GSDMB: variants seen among roughly 807,000 people sequenced by gnomAD.
GSDMB encodes the protein gasdermin B.
In GSDMB, 32 loss-of-function variants were observed where a neutral mutation model predicts 42.9. The ratio of observed to expected loss-of-function variants is 0.75; its 90% CI spans 0.56 to 1.00. The LOEUF is 1.00. Ranked by LOEUF, GSDMB falls within the 50% of genes least tolerant of loss-of-function variation. GSDMB has a pLI of 0.00. For missense variants in GSDMB, 468 were observed against 498.5 expected (o/e 0.94, Z 0.58); for synonymous variants, 175 against 193.7 (o/e 0.90, Z 0.80).
At chr17:39,907,780 G>C in intron 6 of GSDMB, 1 of 166,538 alleles carries the variant, frequency 6.0e-6, no homozygotes, top group Non-Finnish European at 1.3e-5. Context: ...CTGTGACTTG[G>C]GAGGCTGTAG....
intron 2 of GSDMB, among the ~76,000 whole-genome samples, chr17:39,915,919 C>T (rs2063701468): frequency 6.6e-6 from 1 of 152,118 alleles, no homozygotes; most frequent in East Asian, 1.9e-4. Context: ...GAGCTATGAG[C>T]GCCTTGCTAT....
chr17:39,914,143 A>G (rs2063663906), intron 2 of GSDMB, among the ~76,000 whole-genome samples: 1 of 152,234 alleles, frequency 6.6e-6, no homozygotes, highest in Non-Finnish European at 1.5e-5. Flanking sequence ...CCAAGTGATC[A>G]AGGTCAACAT....
intron 10 of GSDMB, 35 bp downstream of exon 10, chr17:39,905,391 A>G (rs376915261): frequency 2.1e-6 from 3 of 1,451,592 alleles, no homozygotes; most frequent in Non-Finnish European, 2.9e-6. Context: ...ATTCCCTTCC[A>G]CTATGACCAT....
At chr17:39,911,363 G>A (rs1188534652) in intron 3 of GSDMB, among the ~76,000 whole-genome samples, 3 of 149,750 alleles carry the variant, frequency 2.0e-5, no homozygotes, top group South Asian at 2.1e-4. Flanking sequence ...AAAGGTACCC[G>A]CTCCACTCAA....
In GSDMB at chr17:39,909,933, A is replaced by T; in HGVS notation, c.408-9T>A. 3 of 1,607,886 alleles carry T rather than the reference A, an allele frequency of 1.9e-6. No homozygotes were observed. Among genetic ancestry groups the T allele is most frequent in the Non-Finnish European group, 2.6e-6 (3 of 1,174,836 alleles). On this transcript the variant is annotated splice_polypyrimidine_tract_variant and intron_variant, in intron 3 of 10. Transcript: ENST00000418519. ...GTTCCCTCTTCAGCTTCCTGGAGAG[A>T]GTGGAGAGAGATGAGAGTTAAGGAT...
chr17:39,917,035 C>T (rs1177874890), intron 2 of GSDMB, 47 bp downstream of exon 2: 18 of 1,227,616 alleles, frequency 1.5e-5, no homozygotes, highest in South Asian at 6.0e-5. Flanking sequence ...GGAGTACAAA[C>T]GGTCAAGGCC....
chr17:39,907,539 A>C (rs1157722444), intron 6 of GSDMB: 1 of 152,006 alleles, frequency 6.6e-6, no homozygotes, highest in Non-Finnish European at 1.5e-5. Flanking sequence ...CCCTGTCTCT[A>C]CTAAAAATAC....
At chr17:39,905,069 T>C in intron 10 of GSDMB, 105 bp from the exon 11 acceptor site, 2 of 912,316 alleles carry the variant, frequency 2.2e-6, no homozygotes, top group Admixed American at 3.9e-5. Context: ...GCAGACGTAA[T>C]AATCCATCAT....
chr17:39,912,020 A>G (rs1380395799), intron 3 of GSDMB, among the ~76,000 whole-genome samples: 1 of 151,856 alleles, frequency 6.6e-6, no homozygotes, highest in African/African-American at 2.4e-5. Context: ...GGGGGACAGC[A>G]GGGATATGAG....
Position 39,917,065 on chromosome 17 carries a change from A to G in GSDMB, c.235+17T>C, listed in dbSNP as rs1163902705. On this transcript the variant is annotated intron_variant, in intron 2 of 10. Coordinates refer to ENST00000418519, the MANE Select transcript of GSDMB (RefSeq NM_001165958.2). ...AAGGCCTCCTGGCTGGCCACCTGTC[A>G]TCTACCTTATACTGACCTTGGAGCC... 1 of 1,572,162 alleles carries G rather than the reference A, an allele frequency of 6.4e-7. No homozygotes were observed. Among genetic ancestry groups the G allele is most frequent in the Non-Finnish European group, 8.8e-7 (1 of 1,141,826 alleles).
intron 3 of GSDMB, among the ~76,000 whole-genome samples, chr17:39,910,534 G>A (rs1254182008): frequency 6.6e-6 from 1 of 152,118 alleles, no homozygotes; most frequent in African/African-American, 2.4e-5. Flanking sequence ...TGTAGAGCTG[G>A]GATTCAAACC....
intron 2 of GSDMB, among the ~76,000 whole-genome samples, chr17:39,913,132 C>G (rs148242306): frequency 7.5e-6 from 1 of 132,784 alleles, no homozygotes; most frequent in Admixed American, 7.5e-5. Context: ...CAAAACAAAA[C>G]AAGAAAAAGA....
At chr17:39,908,920 A>C in intron 5 of GSDMB, 38 bp downstream of exon 5, 3 of 1,188,122 alleles carry the variant, frequency 2.5e-6, no homozygotes, top group African/African-American at 1.5e-5. Context: ...TGGTGTGTTT[A>C]GGGCCCCCCA....
intron 1 of GSDMB, 29 bp from the exon 2 acceptor site, chr17:39,917,359 T>G (rs749365025): frequency 1.5e-6 from 2 of 1,313,730 alleles, no homozygotes; most frequent in South Asian, 1.2e-5. Flanking sequence ...TTTCAGTTTT[T>G]GGGAGGAGGG....
At chr17:39,908,822 T>C in intron 5 of GSDMB, 136 bp downstream of exon 5, 1 of 691,266 alleles carries the variant, frequency 1.4e-6, no homozygotes, top group Non-Finnish European at 2.6e-6. Flanking sequence ...AACCCACCCT[T>C]TTCCCTGGAC....
Position 39,904,900 on chromosome 17 carries a change from TCATAGTC to T in GSDMB, c.1156_1162del (p.Asp386ThrfsTer64). 1 of 1,613,362 alleles carries T rather than the reference TCATAGTC, an allele frequency of 6.2e-7. No individual in the cohort carries two copies. The highest frequency in any genetic ancestry group is 8.5e-7 in the Non-Finnish European group (1 of 1,179,402). ...CGCACAGAGAATTCGTGCCTCAGGG[TCATAGTC>T]CATGTCAGGAGGACTGCTGGCCAGC... On this transcript the variant is annotated frameshift_variant, in exon 11 of 11. Transcript: ENST00000418519. LOFTEE classifies it low-confidence loss of function (END_TRUNC).
rs2063757102 is a variant in GSDMB at position 39,918,585 on chromosome 17, A to G, written c.-66T>C. The stretch of plus-strand genomic sequence containing the variant: ...AGAAATGGAAGTTGTGAGAATCCCC[A>G]CAGATCTCTGCACAGTTCCTGGCCT... On this transcript the variant is annotated 5_prime_UTR_variant, in exon 1 of 11. Coordinates refer to ENST00000418519, the MANE Select transcript of GSDMB (RefSeq NM_001165958.2). The G allele has an allele frequency of 6.6e-6, 1 of 152,074 alleles. No individual in the cohort carries two copies. Among genetic ancestry groups the G allele is most frequent in the Non-Finnish European group, 1.5e-5 (1 of 68,062 alleles). The allele number at this position is 152,074 out of a possible 1,614,324, so 9.4% of individuals were successfully genotyped here. A position where few individuals can be genotyped will look rare whatever the true frequency, so the allele number is the denominator to read the frequency against.
chr17:39,914,238 G>C (rs997964839), intron 2 of GSDMB, among the ~76,000 whole-genome samples: 2 of 151,998 alleles, frequency 1.3e-5, no homozygotes, highest in Non-Finnish European at 2.9e-5. Context: ...CTTCCTCCCC[G>C]AGACCCAGAA....
chr17:39,909,602 G>T, intron 4 of GSDMB, 154 bp downstream of exon 4: 1 of 644,866 alleles, frequency 1.6e-6, no homozygotes. Context: ...GAAGGACTGG[G>T]CAATGCCACC....
Sources: gnomAD v4.1 joint callset for allele counts (sites outside exome capture counted in the v4.1 genomes callset) on GRCh38, gnomAD v4.1.1 for gene constraint, MANE v1.5 for transcripts, NCBI Gene and HGNC (gene_info 2026-07-23, HGNC 2026-07-21) for gene names.